The following CCDC33 variants were observed in gnomAD, a reference collection of about 807,000 sequenced individuals.
The protein encoded by CCDC33 is coiled-coil domain-containing protein 33.
In CCDC33, 94 loss-of-function variants were observed where a neutral mutation model predicts 91.9. The ratio of observed to expected loss-of-function variants is 1.02; its 90% CI spans 0.87 to 1.21. CCDC33 has a LOEUF of 1.21. CCDC33 is among the 50% of genes most tolerant of loss of function. The probability of loss-of-function intolerance (pLI) is 0.00; values close to 1 mark genes in which losing one functional copy is unlikely to be tolerated. For missense variants in CCDC33, 940 were observed against 935.5 expected (o/e 1.00, Z -0.06); for synonymous variants, 396 against 374.5 (o/e 1.06, Z -0.66).
chr15:74,256,432 G>A (rs9783698), intron 2 of CCDC33, among the ~76,000 whole-genome samples: 50,318 of 151,836 alleles, frequency 0.33, 8,892 homozygotes, highest in East Asian at 0.45. Flanking sequence ...GGGGGTACTC[G>A]AAAGAGTGGC....
chr15:74,304,942 T>G (rs1373259582), intron 11 of CCDC33, among the ~76,000 whole-genome samples: 1 of 125,088 alleles, frequency 8.0e-6, no homozygotes, highest in Admixed American at 8.7e-5. Flanking sequence ...TTCTGCTTCT[T>G]CTTCTTCTTT....
At chr15:74,240,679 G>A (rs1387555732) in intron 1 of CCDC33, among the ~76,000 whole-genome samples, 1 of 152,074 alleles carries the variant, frequency 6.6e-6, no homozygotes, top group African/African-American at 2.4e-5. Flanking sequence ...TGCAACCTCC[G>A]CCTCCTAGGT....
intron 11 of CCDC33, among the ~76,000 whole-genome samples, chr15:74,329,599 C>T (rs2060384032): frequency 6.6e-6 from 1 of 152,204 alleles, no homozygotes; most frequent in Non-Finnish European, 1.5e-5. Flanking sequence ...GCCCCCAGCC[C>T]CACCTCATAC....
intron 11 of CCDC33, among the ~76,000 whole-genome samples, chr15:74,329,583 A>C (rs2060383607): frequency 4.6e-5 from 7 of 151,958 alleles, no homozygotes; most frequent in Admixed American, 4.6e-4. Context: ...CTCATGGCTG[A>C]CTCCAGCCCC....
chr15:74,280,538 G>A (rs2059339029), intron 8 of CCDC33, 130 bp from the exon 9 acceptor site: 2 of 1,001,254 alleles, frequency 2.0e-6, no homozygotes, highest in Non-Finnish European at 2.8e-6. Context: ...AGAAGAGGAT[G>A]TATGTGCAGG....
rs760187589 is a variant in CCDC33, at chr15:74,236,756, T to C, written c.21+16T>C. Reference sequence around the variant, plus strand: ...AAACAAAAAGGTAAGGCCAGGGGCATGGGCCATGCACCTGCATGAATCCGT... The same window carrying C: ...AAACAAAAAGGTAAGGCCAGGGGCACGGGCCATGCACCTGCATGAATCCGT... On this transcript the variant is annotated intron_variant, in intron 1 of 18. Coordinates refer to ENST00000398814, the MANE Select transcript of CCDC33 (RefSeq NM_025055.5). 5.6e-6 allele frequency: 9 copies of C among 1,613,386 alleles called. No individual in the cohort carries two copies. The highest frequency in any genetic ancestry group is 2.2e-5 in the East Asian group (1 of 44,886).
Position 74,330,315 on chromosome 15 carries a change from G to T in CCDC33, c.1417G>T (p.Glu473Ter), listed in dbSNP as rs886803044. The change falls in exon 12 of 19, where the codon GAA (glutamate) becomes TAA (stop). Residue 473 changes from glutamate to a stop codon, truncating the protein, a stop_gained. Coordinates refer to ENST00000398814, the MANE Select transcript of CCDC33 (RefSeq NM_025055.5). LOFTEE classifies it high-confidence loss of function. ...LRSRLAQQEE[E>*]EGQGKASEAQ... ...GAGCCGCCTGGCCCAGCAGGAGGAG[G>T]AAGAGGGGCAGGGCAAAGCCAGTGA... is the stretch of plus-strand genomic sequence containing the variant. 6 of 1,609,854 alleles carry T rather than the reference G, an allele frequency of 3.7e-6. No homozygotes were observed. The African/African-American group carries it at 8.0e-5, about 22-fold the overall frequency.
chr15:74,222,899 ACTCCGTC>A lies in CCDC33; in HGVS notation c.675+4042_675+4048del. On this transcript the variant is annotated intron_variant, in intron 2 of 2. Coordinates refer to the CCDC33 transcript ENST00000635913. The stretch of plus-strand genomic sequence containing the variant: ...ATCCTCTTGCCTTTAAGGCCCAAGC[ACTCCGTC>A]CTCACTCCCCCCGCCCCCATGGCCT... 1.3e-5 allele frequency among the ~76,000 whole-genome samples: 2 copies of A among 148,770 alleles called. 1 individual carries two copies. The highest frequency in any genetic ancestry group is 4.3e-4 in the South Asian group (2 of 4,666).
At chr15:74,254,535 C>G (rs2075801561) in intron 2 of CCDC33, among the ~76,000 whole-genome samples, 1 of 152,170 alleles carries the variant, frequency 6.6e-6, no homozygotes, top group Non-Finnish European at 1.5e-5. Context: ...AGTGACCTCC[C>G]AATGGCTGTG....
At chr15:74,298,535 T>TTTTGTTTG (rs1220834457) in intron 11 of CCDC33, among the ~76,000 whole-genome samples, 2 of 151,956 alleles carry the variant, frequency 1.3e-5, no homozygotes, top group Non-Finnish European at 2.9e-5. Flanking sequence ...TTTTTTGGTT[T>TTTTGTTTG]TTTGTTTGTT....
At chr15:74,235,883 T>C (rs550118842), upstream of CCDC33, among the ~76,000 whole-genome samples, 8 of 152,328 alleles carry the variant, frequency 5.3e-5, no homozygotes, top group Non-Finnish European at 8.8e-5. Flanking sequence ...GAATGTATGC[T>C]CTTACCCTCT....
At chr15:74,279,053 T>A (rs1295250464) in intron 7 of CCDC33, among the ~76,000 whole-genome samples, 24 of 152,242 alleles carry the variant, frequency 1.6e-4, no homozygotes. Flanking sequence ...GCCATGGGTG[T>A]GAACACAGAT....
At chr15:74,217,171 T>G, upstream of CCDC33, 1 of 817,594 alleles carries the variant, frequency 1.2e-6, no homozygotes, top group South Asian at 2.0e-5. Flanking sequence ...GGGTGGGGAG[T>G]GTCCCTGAGC....
intron 2 of CCDC33, among the ~76,000 whole-genome samples, chr15:74,226,305 G>T (rs769323043): frequency 3.3e-5 from 5 of 152,176 alleles, no homozygotes; most frequent in South Asian, 2.1e-4. Context: ...TTTCCCAGTT[G>T]CATATGAGCA....
chr15:74,312,521 T>TCCCTG (rs2060011588), intron 11 of CCDC33, among the ~76,000 whole-genome samples: 1 of 152,126 alleles, frequency 6.6e-6, no homozygotes, highest in Non-Finnish European at 1.5e-5. Context: ...TTCTCCCTGC[T>TCCCTG]CCCTGCCCTG....
chr15:74,207,738 C>T (rs1190831249), intron 1 of CCDC33: 12 of 1,535,616 alleles, frequency 7.8e-6, no homozygotes, highest in Middle Eastern at 1.7e-4. Context: ...AATAAGCAGC[C>T]GAGAGAGTCA....
At chr15:74,208,038 C>G (rs932283433) in intron 1 of CCDC33, 1 of 1,348,288 alleles carries the variant, frequency 7.4e-7, no homozygotes, top group Non-Finnish European at 9.6e-7. Flanking sequence ...CCCTCACCAA[C>G]AGCATCATCA....
chr15:74,218,461 T>C lies in CCDC33; in HGVS notation c.311-36T>C. 2.4e-6 allele frequency: 3 copies of C among 1,246,528 alleles called. No individual in the cohort carries two copies. The highest frequency in any genetic ancestry group is 3.1e-6 in the Non-Finnish European group (3 of 964,950). 77.2% of individuals were successfully genotyped at this position (1,246,528 alleles called of 1,614,324 possible). On this transcript the variant is annotated intron_variant, in intron 1 of 2. Transcript: ENST00000635913. The surrounding 1 kb of genome is among the most constrained non-coding windows in gnomAD (Gnocchi z 4.8). ...GTCACCTGGCAGATGCAGAGAAACC[T>C]GAGACCATCTCTGAGCCCTGTGTTC...
At chr15:74,326,349 G>A (rs1313416250) in intron 11 of CCDC33, among the ~76,000 whole-genome samples, 2 of 152,216 alleles carry the variant, frequency 1.3e-5, no homozygotes, top group African/African-American at 2.4e-5. Context: ...CACTCAGAAG[G>A]TGGTGGAGGA....
Sources: gnomAD v4.1 joint callset for allele counts (sites outside exome capture counted in the v4.1 genomes callset) on GRCh38, gnomAD v4.1.1 for gene constraint, Gnocchi (gnomAD v3.1) non-coding constraint, MANE v1.5 for transcripts, NCBI Gene and HGNC (gene_info 2026-07-23, HGNC 2026-07-21) for gene names.